Variants in EYA1 observed in about 807,000 individuals in gnomAD.
EYA1 encodes protein phosphatase EYA1.
A neutral mutation model predicts 82.0 loss-of-function variants in EYA1; 16 were observed. That is an observed-to-expected ratio of 0.20 (90% CI 0.13 to 0.30). The LOEUF is 0.30. Among genes scored for constraint, EYA1 ranks in the 10% least tolerant of loss-of-function variants. EYA1 has a pLI of 1.00. For missense variants in EYA1, 633 were observed against 730.7 expected, an observed-to-expected ratio of 0.87 and a Z score of 1.54; for synonymous variants, 261 against 264.4, an observed-to-expected ratio of 0.99 and a Z score of 0.12.
chr8:71,448,009 C>CTTT (rs548078514), intron 2 of EYA1, among the ~76,000 whole-genome samples: 3 of 70,844 alleles, frequency 4.2e-5, no homozygotes, highest in African/African-American at 1.1e-4. Context: ...TGTTTAAGAG[C>CTTT]TTTTTTTTTT....
chr8:71,342,497 A>G (rs1027461573), intron 3 of EYA1, among the ~76,000 whole-genome samples: 8 of 152,136 alleles, frequency 5.3e-5, no homozygotes, highest in African/African-American at 1.9e-4. Flanking sequence ...AGCAAGCTGA[A>G]GAGCTCTTTC....
chr8:71,306,626 A>G (rs1820770897), intron 7 of EYA1, among the ~76,000 whole-genome samples: 1 of 152,062 alleles, frequency 6.6e-6, no homozygotes, highest in Non-Finnish European at 1.5e-5. Context: ...TCACTGCTAT[A>G]TCGGAAACTC....
intron 2 of EYA1, among the ~76,000 whole-genome samples, chr8:71,416,194 G>C (rs1309797598): frequency 6.6e-6 from 1 of 152,208 alleles, no homozygotes; most frequent in East Asian, 1.9e-4. Flanking sequence ...GCTCCCTCCT[G>C]CTTTCTGCCT....
chr8:71,547,302 C>T (rs1684510838), intron 1 of EYA1, among the ~76,000 whole-genome samples: 1 of 152,154 alleles, frequency 6.6e-6, no homozygotes, highest in Non-Finnish European at 1.5e-5. Flanking sequence ...ATCACAACAT[C>T]ATATCAGGCC....
At chr8:71,386,791 T>C (rs1205008443) in intron 2 of EYA1, among the ~76,000 whole-genome samples, 3 of 152,214 alleles carry the variant, frequency 2.0e-5, no homozygotes, top group Non-Finnish European at 4.4e-5. Flanking sequence ...AAGTGAATAT[T>C]GATGAGAAGT....
chr8:71,266,643 AGAGAC>A (rs1439232821), intron 11 of EYA1, among the ~76,000 whole-genome samples: 1 of 152,056 alleles, frequency 6.6e-6, no homozygotes, highest in East Asian at 1.9e-4. Context: ...AATCAAGCTA[AGAGAC>A]TCCAAGGAGC....
At chr8:71,291,025 A>G (rs1355190328) in intron 9 of EYA1, among the ~76,000 whole-genome samples, 1 of 152,212 alleles carries the variant, frequency 6.6e-6, no homozygotes, top group Non-Finnish European at 1.5e-5. Context: ...AAAGTCCACA[A>G]GGCATCTGTG....
chr8:71,355,469 G>A (rs1826769328), intron 2 of EYA1, among the ~76,000 whole-genome samples: 1 of 152,182 alleles, frequency 6.6e-6, no homozygotes, highest in Middle Eastern at 3.2e-3. Flanking sequence ...AGATAGTCCT[G>A]ATGCATGTGT....
intron 2 of EYA1, among the ~76,000 whole-genome samples, chr8:71,442,354 A>G (rs1472512179): frequency 6.6e-6 from 1 of 152,176 alleles, no homozygotes; most frequent in African/African-American, 2.4e-5. Flanking sequence ...ACTGCTTCTT[A>G]GAAAACAAGA....
intron 2 of EYA1, among the ~76,000 whole-genome samples, chr8:71,514,948 A>G (rs564122459): frequency 3.9e-5 from 6 of 152,292 alleles, no homozygotes; most frequent in African/African-American, 1.4e-4. Context: ...ACTGAAAAAC[A>G]TTAGTAAAGA....
chr8:71,289,361 C>T (rs1361075835), intron 9 of EYA1, among the ~76,000 whole-genome samples: 1 of 152,208 alleles, frequency 6.6e-6, no homozygotes, highest in Non-Finnish European at 1.5e-5. Flanking sequence ...ATACTACATA[C>T]CTCTTCCCTG....
intron 2 of EYA1, among the ~76,000 whole-genome samples, chr8:71,399,408 A>G (rs1829826108): frequency 6.6e-6 from 1 of 151,084 alleles, no homozygotes; most frequent in Non-Finnish European, 1.5e-5. Flanking sequence ...CTATCTTGGA[A>G]CCTCCTCCTG....
At chr8:71,247,661 T>C (rs1251322743) in intron 11 of EYA1, among the ~76,000 whole-genome samples, 2 of 152,214 alleles carry the variant, frequency 1.3e-5, no homozygotes, top group Non-Finnish European at 2.9e-5. Context: ...ACTCATTTAC[T>C]CTTGGATTTA....
chr8:71,515,152 G>A (rs975797681), intron 2 of EYA1, among the ~76,000 whole-genome samples: 1 of 152,074 alleles, frequency 6.6e-6, no homozygotes, highest in African/African-American at 2.4e-5. Context: ...AGTGTTAGTT[G>A]AGTAGCTACC....
At chr8:71,223,790 C>A (rs997022050) in intron 12 of EYA1, among the ~76,000 whole-genome samples, 3 of 152,126 alleles carry the variant, frequency 2.0e-5, no homozygotes, top group Admixed American at 2.0e-4. Flanking sequence ...GGACCAATCC[C>A]CGGGAATAAC....
At chr8:71,536,077 G>A (rs980517345) in intron 1 of EYA1, among the ~76,000 whole-genome samples, 1 of 152,166 alleles carries the variant, frequency 6.6e-6, no homozygotes, top group Non-Finnish European at 1.5e-5. Flanking sequence ...GTCAGCAGCT[G>A]CAGCCCAAGG....
At chr8:71,347,885 CAAA>C (rs5892271) in intron 3 of EYA1, among the ~76,000 whole-genome samples, 3,053 of 80,880 alleles carry the variant, frequency 0.038, 64 homozygotes, top group African/African-American at 0.12. Flanking sequence ...TGGAGGCATG[CAAA>C]AAAAAAAAAA....
rs1813019992 is a variant in EYA1, at chr8:71,245,799, A to C, written c.1051-1107T>G. Among the ~76,000 whole-genome samples, 5 of 152,342 alleles carry C rather than the reference A, an allele frequency of 3.3e-5. No homozygotes were observed. The South Asian group carries it at 1.0e-3, about 32-fold the overall frequency. On this transcript the variant is annotated intron_variant, in intron 11 of 17. Coordinates refer to ENST00000340726, the MANE Select transcript of EYA1 (RefSeq NM_000503.6). ...ACTCTGACCCCACCAGGCACTGTCC[A>C]GCTCAGGGAGCTGATCTTAAGATTC...
At chr8:71,325,386 G>A (rs578037338) in intron 4 of EYA1, among the ~76,000 whole-genome samples, 4 of 152,214 alleles carry the variant, frequency 2.6e-5, no homozygotes, top group South Asian at 2.1e-4. Context: ...TATAACTAGC[G>A]TATGTAGTGT....
Sources: allele counts gnomAD v4.1 joint callset (sites outside exome capture counted in the v4.1 genomes callset), GRCh38; gene constraint gnomAD v4.1.1; transcripts MANE v1.5; gene names NCBI Gene and HGNC (gene_info 2026-07-23, HGNC 2026-07-21).